The following WDR59 variants were observed in gnomAD, a reference collection of about 807,000 sequenced individuals.
The protein encoded by WDR59 is WD repeat domain 59.
A neutral mutation model predicts 131.2 loss-of-function variants in WDR59; 100 were observed. The ratio of observed to expected loss-of-function variants is 0.76; its 90% CI spans 0.65 to 0.90. The LOEUF is 0.90. Among genes scored for constraint, WDR59 ranks in the 40% least tolerant of loss-of-function variants. The pLI is 0.00. For missense variants in WDR59, 1,203 were observed against 1,262.2 expected (o/e 0.95, Z 0.71); for synonymous variants, 601 against 466.2 (o/e 1.29, Z -3.72).
At chr16:74,918,757 T>C (rs562202093) in intron 10 of WDR59, among the ~76,000 whole-genome samples, 2 of 152,286 alleles carry the variant, frequency 1.3e-5, no homozygotes, top group East Asian at 1.9e-4. Context: ...AATAATTTCA[T>C]CCAATTTCTT....
chr16:74,950,869 C>T (rs2032952869), intron 4 of WDR59, among the ~76,000 whole-genome samples: 1 of 151,776 alleles, frequency 6.6e-6, no homozygotes, highest in South Asian at 2.1e-4. Context: ...TGAAAATCAG[C>T]TCTAGGCCAG....
At chr16:74,949,303 A>G (rs2032840397) in intron 5 of WDR59, among the ~76,000 whole-genome samples, 1 of 144,758 alleles carries the variant, frequency 6.9e-6, no homozygotes, top group South Asian at 2.4e-4. Flanking sequence ...TTCACTGCAG[A>G]CTGGGTGACA....
intron 25 of WDR59, among the ~76,000 whole-genome samples, chr16:74,881,718 T>A (rs13339079): frequency 0.015 from 2,277 of 151,480 alleles, 41 homozygotes; most frequent in African/African-American, 0.05. Flanking sequence ...ACTAAAAATT[T>A]AAAAATTAGC....
At chr16:74,892,392 C>G in intron 20 of WDR59, 92 bp downstream of exon 20, 1 of 1,106,100 alleles carries the variant, frequency 9.0e-7, no homozygotes, top group South Asian at 1.4e-5. Flanking sequence ...AAGACACACA[C>G]TTTGAAAATG....
chr16:74,947,925 C>T (rs570160070), intron 6 of WDR59, among the ~76,000 whole-genome samples: 276 of 152,194 alleles, frequency 1.8e-3, no homozygotes, highest in Non-Finnish European at 2.8e-3. Context: ...CAAAAATCAC[C>T]CAGGTGTGGT....
rs536825852 is a variant in WDR59, at chr16:74,888,026, G to A, written c.2346+143C>T. On this transcript the variant is annotated intron_variant, in intron 22 of 25. Coordinates refer to ENST00000262144, the MANE Select transcript of WDR59 (RefSeq NM_030581.4). ...CCAGCTATTCAGGAGGCTGAGGCAC[G>A]AGAATTGCTTGAACCCAGGAGGCGG... 470 of 1,110,490 alleles carry A rather than the reference G, an allele frequency of 4.2e-4. 1 individual carries two copies. Among genetic ancestry groups the A allele is most frequent in the Middle Eastern group, 8.0e-4 (3 of 3,766 alleles). 68.8% of individuals were successfully genotyped at this position (1,110,490 alleles called of 1,614,324 possible).
intron 19 of WDR59, among the ~76,000 whole-genome samples, chr16:74,892,862 C>A (rs1320879348): frequency 6.6e-6 from 1 of 152,192 alleles, no homozygotes; most frequent in Non-Finnish European, 1.5e-5. Context: ...TATGGAGTTC[C>A]CAAGCCGTGA....
chr16:74,967,085 C>G (rs1439569879), intron 1 of WDR59, among the ~76,000 whole-genome samples: 1 of 152,174 alleles, frequency 6.6e-6, no homozygotes, highest in East Asian at 1.9e-4. Context: ...GCGACAATCA[C>G]AAATCACAAA....
intron 1 of WDR59, among the ~76,000 whole-genome samples, chr16:74,981,692 G>T (rs2034435861): frequency 9.8e-6 from 1 of 101,820 alleles, no homozygotes; most frequent in Non-Finnish European, 1.8e-5. Flanking sequence ...GTCTCACTCT[G>T]TCGCCCAGGC....
chr16:74,893,843 G>A, intron 18 of WDR59, 31 bp from the exon 19 acceptor site: 1 of 1,609,454 alleles, frequency 6.2e-7, no homozygotes, highest in Non-Finnish European at 8.5e-7. Context: ...GTAACTAATG[G>A]GGACTTTGAC....
chr16:74,890,619 C>T (rs1335122397), intron 20 of WDR59, among the ~76,000 whole-genome samples: 1 of 152,128 alleles, frequency 6.6e-6, no homozygotes, highest in Non-Finnish European at 1.5e-5. Context: ...TAAAAAGTAA[C>T]AATAATAACA....
intron 23 of WDR59, 72 bp from the exon 24 acceptor site, chr16:74,886,468 A>G: frequency 6.4e-7 from 1 of 1,564,214 alleles, no homozygotes; most frequent in Non-Finnish European, 8.6e-7. Flanking sequence ...GAGTCTCATA[A>G]GACAGCACGT....
intron 8 of WDR59, among the ~76,000 whole-genome samples, chr16:74,928,507 C>CT (rs2031078151): frequency 6.6e-6 from 1 of 152,078 alleles, no homozygotes; most frequent in African/African-American, 2.4e-5. Flanking sequence ...GTATGAGCCA[C>CT]TGCGCCCAGC....
chr16:74,885,081 C>A (rs750966539), intron 25 of WDR59, among the ~76,000 whole-genome samples: 1 of 152,200 alleles, frequency 6.6e-6, no homozygotes, highest in African/African-American at 2.4e-5. Context: ...GTCGGACACA[C>A]AGTGGAATAA....
Position 74,971,206 on chromosome 16 carries a change from C to T in WDR59, c.55-5384G>A, listed in dbSNP as rs529607901. Reference sequence around the variant, plus strand: ...AATAATTTATCACCCACGAGTTTATCTAAACTTTTAAAGTTCATTCGTTTC... The same window carrying T: ...AATAATTTATCACCCACGAGTTTATTTAAACTTTTAAAGTTCATTCGTTTC... On this transcript the variant is annotated intron_variant, in intron 1 of 25. Coordinates refer to ENST00000262144, the MANE Select transcript of WDR59 (RefSeq NM_030581.4). Among the ~76,000 whole-genome samples, 27 of 152,180 alleles carry T rather than the reference C, an allele frequency of 1.8e-4. 3 individuals carry two copies. Among genetic ancestry groups the T allele is most frequent in the South Asian group, 1.0e-3 (5 of 4,820 alleles).
intron 8 of WDR59, among the ~76,000 whole-genome samples, chr16:74,936,448 C>G (rs59171333): frequency 6.6e-6 from 1 of 151,746 alleles, no homozygotes; most frequent in Non-Finnish European, 1.5e-5. Context: ...CAAACTTGGG[C>G]ATCTCATAGA....
chr16:74,970,317 G>A (rs960711733), intron 1 of WDR59, among the ~76,000 whole-genome samples: 9 of 151,810 alleles, frequency 5.9e-5, no homozygotes, highest in African/African-American at 2.2e-4. Context: ...TTTAAAGGCA[G>A]GCAATGTGAT....
intron 19 of WDR59, among the ~76,000 whole-genome samples, chr16:74,892,932 A>T (rs1474838851): frequency 6.6e-6 from 1 of 152,354 alleles, no homozygotes; most frequent in East Asian, 1.9e-4. Context: ...TAACAGAAAG[A>T]GTAGTGTGCT....
At chr16:74,884,402 G>A (rs1964656869) in intron 25 of WDR59, among the ~76,000 whole-genome samples, 2 of 152,232 alleles carry the variant, frequency 1.3e-5, no homozygotes, top group African/African-American at 4.8e-5. Flanking sequence ...AGGCTGGAGT[G>A]CAGTGGCGTG....
Sources: allele counts gnomAD v4.1 joint callset (sites outside exome capture counted in the v4.1 genomes callset), GRCh38; gene constraint gnomAD v4.1.1; transcripts MANE v1.5; gene names NCBI Gene and HGNC (gene_info 2026-07-23, HGNC 2026-07-21).